MAEL: variants seen among roughly 807,000 people sequenced by gnomAD.
The protein encoded by MAEL is protein maelstrom homolog.
A neutral mutation model predicts 62.0 loss-of-function variants in MAEL; 46 were observed. The observed-to-expected ratio is 0.74, with a 90% CI of 0.59 to 0.95. The LOEUF (loss-of-function observed/expected upper bound fraction) is 0.95, where lower values mean the gene tolerates loss of function less well. MAEL is among the 40% of genes least tolerant of loss of function. The pLI, the probability that MAEL is intolerant of heterozygous loss-of-function variation, is 0.00. For missense variants in MAEL, 497 were observed against 526.8 expected (o/e 0.94, Z 0.55); for synonymous variants, 172 against 175.5 (o/e 0.98, Z 0.16).
At chr1:167,018,377 A>T (rs1415199550) in intron 10 of MAEL, among the ~76,000 whole-genome samples, 1 of 151,908 alleles carries the variant, frequency 6.6e-6, no homozygotes, top group Non-Finnish European at 1.5e-5. Context: ...TTTACTTATT[A>T]GTAGGCCTCT....
intron 4 of MAEL, among the ~76,000 whole-genome samples, 176 bp downstream of exon 4, chr1:166,993,017 G>GT (rs1664260683): frequency 1.3e-5 from 2 of 152,096 alleles, no homozygotes; most frequent in African/African-American, 4.8e-5. Context: ...TTGACAAAGG[G>GT]TTTTTTGGTT....
chr1:167,004,615 G>GTACA (rs1664812725), intron 6 of MAEL, among the ~76,000 whole-genome samples: 1 of 152,046 alleles, frequency 6.6e-6, no homozygotes, highest in Non-Finnish European at 1.5e-5. Context: ...ATTCTATTCC[G>GTACA]TACACCTATC....
chr1:166,980,434 G>A (rs1035015321), intron 1 of MAEL, among the ~76,000 whole-genome samples: 2 of 152,142 alleles, frequency 1.3e-5, no homozygotes, highest in Non-Finnish European at 2.9e-5. Context: ...CCAGTCTCTA[G>A]GACATCCCTG....
At chr1:166,997,059 C>T (rs1310445736) in intron 5 of MAEL, among the ~76,000 whole-genome samples, 1 of 152,228 alleles carries the variant, frequency 6.6e-6, no homozygotes, top group African/African-American at 2.4e-5. Context: ...AACTCCTGAC[C>T]TCATGATCTG....
upstream of MAEL, among the ~76,000 whole-genome samples, chr1:166,986,598 A>C (rs1487774884): frequency 6.6e-6 from 1 of 152,252 alleles, no homozygotes; most frequent in Non-Finnish European, 1.5e-5. Context: ...GAAAAATAGA[A>C]TGTATAACTT....
chr1:166,999,601 A>G (rs774353776), intron 5 of MAEL, among the ~76,000 whole-genome samples: 3 of 152,224 alleles, frequency 2.0e-5, no homozygotes, highest in African/African-American at 4.8e-5. Flanking sequence ...CAAGTCATTC[A>G]GAGGATCTAG....
chr1:167,005,182 T>TC, intron 7 of MAEL, 52 bp downstream of exon 7: 1 of 1,610,796 alleles, frequency 6.2e-7, no homozygotes, highest in Non-Finnish European at 8.5e-7. Flanking sequence ...AATATCTGTA[T>TC]TTGTTTCCAC....
At chr1:167,021,248 T>C in intron 11 of MAEL, 88 bp downstream of exon 11, 5 of 906,906 alleles carry the variant, frequency 5.5e-6, no homozygotes, top group Middle Eastern at 2.2e-4. Flanking sequence ...AACAGTGATA[T>C]CTAAATTAGC....
intron 8 of MAEL, among the ~76,000 whole-genome samples, chr1:167,010,456 C>CTT (rs1358206765): frequency 1.3e-5 from 2 of 151,430 alleles, no homozygotes; most frequent in Non-Finnish European, 2.9e-5. Flanking sequence ...CTTTTCTTTT[C>CTT]TTTTTTTTAA....
At chr1:167,016,961 A>T (rs1323534342) in intron 9 of MAEL, among the ~76,000 whole-genome samples, 1 of 152,192 alleles carries the variant, frequency 6.6e-6, no homozygotes, top group African/African-American at 2.4e-5. Context: ...GATAGAGAGT[A>T]GAAGGAATGA....
chr1:166,989,992 A>G, intron 2 of MAEL, 163 bp downstream of exon 2: 1 of 619,488 alleles, frequency 1.6e-6, no homozygotes, highest in Admixed American at 3.1e-5. Flanking sequence ...TGCCTGTTAA[A>G]AAAAACCAAC....
At chr1:167,016,198 A>G in intron 8 of MAEL, 24 bp from the exon 9 acceptor site, 1 of 1,607,554 alleles carries the variant, frequency 6.2e-7, no homozygotes, top group Non-Finnish European at 8.5e-7. Context: ...CAGTTAGGAT[A>G]TTAAAGTCCA....
chr1:167,016,111 A>G, intron 8 of MAEL, 111 bp from the exon 9 acceptor site: 1 of 895,408 alleles, frequency 1.1e-6, no homozygotes. Context: ...TTGAAGTTTT[A>G]GTCTTCAAGT....
chr1:166,996,154 A>G (rs1356022946), intron 5 of MAEL, among the ~76,000 whole-genome samples: 1 of 152,228 alleles, frequency 6.6e-6, no homozygotes, highest in African/African-American at 2.4e-5. Flanking sequence ...CATAATAACT[A>G]AAAATGCCTA....
rs370236249 is a variant in MAEL, at chr1:167,004,034, T to C, written c.524-146T>C. ...GGCTGTAAGACTGTGGGTTAAAATA[T>C]GTAAAATCCTTAACAAAAACGGGGC... On this transcript the variant is annotated intron_variant, in intron 5 of 11. Transcript: ENST00000367872. 50 of 644,644 alleles carry C rather than the reference T, an allele frequency of 7.8e-5. No individual in the cohort carries two copies. In the East Asian group the frequency reaches 1.1e-3, roughly 14 times the overall value. 39.9% of individuals were successfully genotyped at this position (644,644 alleles called of 1,614,324 possible).
intron 5 of MAEL, among the ~76,000 whole-genome samples, chr1:167,002,074 C>T (rs943116067): frequency 2.0e-5 from 3 of 152,220 alleles, no homozygotes; most frequent in Non-Finnish European, 4.4e-5. Flanking sequence ...AGCCACTGTG[C>T]CGGCCTCATG....
chr1:166,993,840 T>C (rs938449775), intron 4 of MAEL, among the ~76,000 whole-genome samples, 188 bp from the exon 5 acceptor site: 2 of 152,232 alleles, frequency 1.3e-5, no homozygotes, highest in Non-Finnish European at 2.9e-5. Context: ...GCTTAGACAA[T>C]ATACCAAATT....
chr1:166,992,105 A>G (rs763794820), intron 3 of MAEL, among the ~76,000 whole-genome samples: 1 of 152,172 alleles, frequency 6.6e-6, no homozygotes, highest in Non-Finnish European at 1.5e-5. Context: ...GGTTGTTGCT[A>G]TTCCTTCTGG....
chr1:167,016,951 G>A (rs1305001275), intron 9 of MAEL, among the ~76,000 whole-genome samples: 1 of 152,156 alleles, frequency 6.6e-6, no homozygotes, highest in East Asian at 1.9e-4. Flanking sequence ...AACCCATGGA[G>A]ATAGAGAGTA....
Sources: allele counts gnomAD v4.1 joint callset (sites outside exome capture counted in the v4.1 genomes callset), GRCh38; gene constraint gnomAD v4.1.1; transcripts MANE v1.5; gene names NCBI Gene and HGNC (gene_info 2026-07-23, HGNC 2026-07-21).